NDE1: variants seen among roughly 807,000 people sequenced by gnomAD.
NDE1 encodes nudE neurodevelopment protein 1.
In NDE1, 28 loss-of-function variants were observed where a neutral mutation model predicts 43.4. That is an observed-to-expected ratio of 0.65 (90% CI 0.48 to 0.89). The LOEUF (loss-of-function observed/expected upper bound fraction) is 0.89. Among genes scored for constraint, NDE1 ranks in the 40% least tolerant of loss-of-function variants. The probability of loss-of-function intolerance (pLI) is 0.00; values close to 1 mark genes in which losing one functional copy is unlikely to be tolerated. For missense variants in NDE1, 441 were observed against 434.1 expected (o/e 1.02, Z -0.14); for synonymous variants, 184 against 172.0 (o/e 1.07, Z -0.55).
Position 15,721,202 on chromosome 16 carries a change from T to G in NDE1, c.948-2989T>G. 3 of 982,580 alleles carry G rather than the reference T, an allele frequency of 3.1e-6. No homozygotes were observed. The East Asian group carries it at 7.8e-5, about 26-fold the overall frequency. 60.9% of individuals were successfully genotyped at this position (982,580 alleles called of 1,614,324 possible). A position where few individuals can be genotyped will look rare whatever the true frequency, so the allele number is the denominator to read the frequency against. On this transcript the variant is annotated intron_variant, in intron 8 of 8. Transcript: ENST00000396354. ...CGGGACTCAAGATGACCCCTGAGAG[T>G]TCAGACCCCAGCCTTATCCTCGGAC...
chr16:15,711,489 A>G (rs1472298920), intron 8 of NDE1, among the ~76,000 whole-genome samples: 2 of 152,150 alleles, frequency 1.3e-5, no homozygotes, highest in African/African-American at 4.8e-5. Flanking sequence ...CAGTTGATAG[A>G]GGTGATGCTG....
intron 3 of NDE1, among the ~76,000 whole-genome samples, chr16:15,676,719 A>G (rs2037900551): frequency 6.6e-6 from 1 of 152,104 alleles, no homozygotes; most frequent in African/African-American, 2.4e-5. Context: ...GCCGGAGTGC[A>G]GTGGTGCCTT....
At chr16:15,676,225 G>T (rs1437392378) in intron 3 of NDE1, among the ~76,000 whole-genome samples, 81 of 118,822 alleles carry the variant, frequency 6.8e-4, no homozygotes, top group East Asian at 1.0e-3. Flanking sequence ...TGTTTTTCTG[G>T]TTTTTTTTTT....
At position 15,719,716 on chromosome 16, in the gene NDE1, G is replaced by C; in HGVS notation, c.948-4475G>C. The stretch of plus-strand genomic sequence containing the variant: ...CTTTGAAAGTCCTTCATCTGAGCCT[G>C]CATGAGTCAACAGGGAGGACAAGCT... On this transcript the variant is annotated intron_variant, in intron 8 of 8. Coordinates refer to ENST00000396354, the MANE Select transcript of NDE1 (RefSeq NM_017668.3). 2 of 1,614,116 alleles carry C rather than the reference G, an allele frequency of 1.2e-6. No homozygotes were observed. The highest frequency in any genetic ancestry group is 1.7e-6 in the Non-Finnish European group (2 of 1,180,036).
In NDE1 at chr16:15,664,746, A is replaced by C; in HGVS notation, c.-33A>C. 1 of 1,499,008 alleles carries C rather than the reference A, an allele frequency of 6.7e-7. No individual in the cohort carries two copies. The allele number at this position is 1,499,008 out of a possible 1,614,324, so 92.9% of individuals were successfully genotyped here. ...AACCTTCTCTCCTAGACACCATGCC[A>C]CAAGGAGAGTGATCTCTTCCCCTGT... is the stretch of plus-strand genomic sequence containing the variant. On this transcript the variant is annotated 5_prime_UTR_variant, in exon 2 of 9. Coordinates refer to ENST00000396354, the MANE Select transcript of NDE1 (RefSeq NM_017668.3).
chr16:15,643,866 T>TA (rs1027656050), exon 1 of NDE1: 11 of 155,132 alleles, frequency 7.1e-5, no homozygotes, highest in African/African-American at 2.7e-4. Context: ...GCTCCAAAGC[T>TA]GGTTACAAAT....
At chr16:15,650,337 CGG>C in intron 1 of NDE1, 43 bp downstream of exon 1, 1 of 232,314 alleles carries the variant, frequency 4.3e-6, no homozygotes. Context: ...GGTGGCTGTC[CGG>C]GGACCTCCAC....
chr16:15,683,947 A>G (rs897604523), intron 4 of NDE1, among the ~76,000 whole-genome samples: 11 of 151,766 alleles, frequency 7.2e-5, no homozygotes, highest in Non-Finnish European at 4.4e-5. Context: ...AGGTGAAAGA[A>G]TCGCTGGGCG....
At chr16:15,665,805 G>C (rs1022446097) in intron 2 of NDE1, among the ~76,000 whole-genome samples, 2 of 148,460 alleles carry the variant, frequency 1.3e-5, no homozygotes, top group East Asian at 3.9e-4. Flanking sequence ...TGCCCAGGCT[G>C]TAGTGCAATG....
rs749543506 is a variant in NDE1, at chr16:15,687,380, C to T, written c.392C>T (p.Thr131Met). Residue 131 changes from threonine (T) to methionine (M), a missense_variant, in exon 5 of 9, where the codon ACG becomes ATG. Transcript: ENST00000396354. The part of the protein sequence containing the change: ...NDDLERAKRA[T>M]IMSLEDFEQR... ...TCTGCTTTTCTCTTCGCCAGCGCCA[C>T]GATCATGTCTCTCGAAGACTTTGAG... is the stretch of plus-strand genomic sequence containing the variant. The T allele has an allele frequency of 1.2e-5, 19 of 1,614,108 alleles. No homozygotes were observed. Among genetic ancestry groups the T allele is most frequent in the East Asian group, 4.5e-5 (2 of 44,880 alleles).
intron 2 of NDE1, 68 bp downstream of exon 2, chr16:15,664,929 A>G: frequency 8.0e-7 from 1 of 1,243,404 alleles, no homozygotes; most frequent in South Asian, 1.2e-5. Context: ...TATGTTACCT[A>G]GGCTGAGTGC....
chr16:15,719,439 C>T lies in NDE1; in HGVS notation c.948-4752C>T. 6.1e-6 allele frequency: 9 copies of T among 1,479,684 alleles called. No individual in the cohort carries two copies. The South Asian group carries it at 6.9e-5, about 11-fold the overall frequency. The allele number at this position is 1,479,684 out of a possible 1,614,324, so 91.7% of individuals were successfully genotyped here. A position where few individuals can be genotyped will look rare whatever the true frequency, so the allele number is the denominator to read the frequency against. On this transcript the variant is annotated intron_variant, in intron 8 of 8. Transcript: ENST00000396354. The stretch of plus-strand genomic sequence containing the variant: ...GAGCTCAGGGGAGGCCCCGTGAATA[C>T]ATAGAGGAGGGAAGCGTGTGTCTTT...
chr16:15,674,816 G>A (rs1317882484), intron 3 of NDE1, among the ~76,000 whole-genome samples: 1 of 151,944 alleles, frequency 6.6e-6, no homozygotes, highest in Non-Finnish European at 1.5e-5. Flanking sequence ...GGCTCAAATG[G>A]TGTTCCCATC....
chr16:15,657,329 C>A (rs1415113692), intron 1 of NDE1, among the ~76,000 whole-genome samples: 1 of 152,052 alleles, frequency 6.6e-6, no homozygotes, highest in Non-Finnish European at 1.5e-5. Flanking sequence ...GAACTCCTGA[C>A]CTCAGGTGAA....
At chr16:15,721,171 C>A in intron 8 of NDE1, 1 of 1,144,482 alleles carries the variant, frequency 8.7e-7, no homozygotes, top group Non-Finnish European at 1.3e-6. Context: ...CCACAGGATG[C>A]ATGGCCGGGA....
At chr16:15,712,531 G>A (rs921721109) in intron 8 of NDE1, among the ~76,000 whole-genome samples, 2 of 152,014 alleles carry the variant, frequency 1.3e-5, no homozygotes, top group African/African-American at 4.8e-5. Context: ...GGGAGGCAGA[G>A]GTTGCAGTGA....
At chr16:15,708,679 A>G in intron 8 of NDE1, 2 of 1,021,368 alleles carry the variant, frequency 2.0e-6, no homozygotes, top group Middle Eastern at 2.4e-4. Flanking sequence ...AAGCCTCCAG[A>G]TTTTGCAAGA....
intron 3 of NDE1, among the ~76,000 whole-genome samples, chr16:15,675,072 TTGTC>T (rs1243505790): frequency 3.9e-5 from 6 of 152,128 alleles, no homozygotes; most frequent in Middle Eastern, 3.4e-3. Context: ...AGACAATGAT[TTGTC>T]TGAAGATTGT....
Position 15,694,231 on chromosome 16 carries a change from T to G in NDE1, c.770T>G (p.Val257Gly). ...PAARISALNIVGDLLRKVGAL... is the reference protein window; with the variant it reads ...PAARISALNIGGDLLRKVGAL... ...GCCCGGATATCAGCCCTCAACATTG[T>G]GGGAGACCTACTGCGGAAAGTCGGG... is the stretch of plus-strand genomic sequence containing the variant. The change falls in exon 7 of 9, where the codon GTG becomes GGG. Residue 257 changes from valine to glycine, a missense_variant. By Grantham distance (109) the Val-to-Gly change is moderately radical. Transcript: ENST00000396354. 1 of 1,613,822 alleles carries G rather than the reference T, an allele frequency of 6.2e-7. No individual in the cohort carries two copies. The highest frequency in any genetic ancestry group is 8.5e-7 in the Non-Finnish European group (1 of 1,180,024).
Sources: allele counts gnomAD v4.1 joint callset (sites outside exome capture counted in the v4.1 genomes callset), GRCh38; gene constraint gnomAD v4.1.1; transcripts MANE v1.5; gene names NCBI Gene and HGNC (gene_info 2026-07-23, HGNC 2026-07-21).